Variants in RGS7BP observed in about 807,000 individuals in gnomAD.
RGS7BP encodes regulator of G protein signaling 7 binding protein.
In RGS7BP, 9 loss-of-function variants were observed where a neutral mutation model predicts 31.3. The observed-to-expected ratio is 0.29, with a 90% CI of 0.17 to 0.50. The LOEUF is 0.50. Ranked by LOEUF, RGS7BP falls within the 20% of genes least tolerant of loss-of-function variation. The probability of loss-of-function intolerance (pLI) is 0.98; values close to 1 mark genes in which losing one functional copy is unlikely to be tolerated. For synonymous variants in RGS7BP, 115 were observed against 120.1 expected, an observed-to-expected ratio of 0.96 and a Z score of 0.28; for missense variants, 274 against 322.0, an observed-to-expected ratio of 0.85 and a Z score of 1.14.
Position 64,610,284 on chromosome 5 carries a change from A to G in RGS7BP, c.*1032A>G, listed in dbSNP as rs1439025631. ...GTCTTATGCTTAGACTCTTGAAAGC[A>G]GGACACATTAAGCAATACTATATTT... On this transcript the variant is annotated 3_prime_UTR_variant, in exon 6 of 6. Coordinates refer to ENST00000334025, the MANE Select transcript of RGS7BP (RefSeq NM_001029875.3). 1 of 152,448 alleles carries G rather than the reference A, an allele frequency of 6.6e-6. No individual in the cohort carries two copies. The highest frequency in any genetic ancestry group is 6.6e-5 in the Admixed American group (1 of 15,228). 9.4% of individuals were successfully genotyped at this position (152,448 alleles called of 1,614,324 possible). A position where few individuals can be genotyped will look rare whatever the true frequency, so the allele number is the denominator to read the frequency against.
chr5:64,524,156 G>T (rs1749176380), intron 2 of RGS7BP, among the ~76,000 whole-genome samples: 1 of 152,218 alleles, frequency 6.6e-6, no homozygotes, highest in East Asian at 1.9e-4. Context: ...CTACACAAAA[G>T]AGTTATGGCC....
At chr5:64,603,710 A>C (rs372180293) in intron 5 of RGS7BP, among the ~76,000 whole-genome samples, 91 of 152,286 alleles carry the variant, frequency 6.0e-4, no homozygotes, top group African/African-American at 2.0e-3. Flanking sequence ...GCTTTCTTGG[A>C]ATTTTGGGCA....
At chr5:64,526,404 T>G (rs1749231992) in intron 2 of RGS7BP, among the ~76,000 whole-genome samples, 1 of 152,224 alleles carries the variant, frequency 6.6e-6, no homozygotes, top group African/African-American at 2.4e-5. Flanking sequence ...TGAATTGAAC[T>G]GCTGAATCAC....
chr5:64,534,261 G>T (rs1580405310), intron 2 of RGS7BP, among the ~76,000 whole-genome samples: 1 of 152,290 alleles, frequency 6.6e-6, no homozygotes, highest in South Asian at 2.1e-4. Flanking sequence ...CTGGAGTGTG[G>T]TGAGAGGCAG....
intron 2 of RGS7BP, among the ~76,000 whole-genome samples, chr5:64,550,503 T>C (rs1250783154): frequency 6.7e-6 from 1 of 150,188 alleles, no homozygotes; most frequent in East Asian, 1.9e-4. Context: ...AGTTACAGCT[T>C]TAACATATGA....
intron 2 of RGS7BP, among the ~76,000 whole-genome samples, chr5:64,515,824 AAAT>A (rs1013022678): frequency 6.0e-5 from 9 of 151,130 alleles, no homozygotes; most frequent in African/African-American, 2.2e-4. Context: ...CTGATTTAGC[AAAT>A]AATAATAATT....
intron 2 of RGS7BP, among the ~76,000 whole-genome samples, chr5:64,546,179 CAA>C (rs2111824028): frequency 6.6e-6 from 1 of 151,898 alleles, no homozygotes; most frequent in East Asian, 1.9e-4. Flanking sequence ...CAAAACAAAA[CAA>C]AAGTCTGACC....
At chr5:64,538,242 G>A (rs1277866545) in intron 2 of RGS7BP, among the ~76,000 whole-genome samples, 3 of 151,638 alleles carry the variant, frequency 2.0e-5, no homozygotes, top group Admixed American at 2.0e-4. Context: ...ATTTTTTGTT[G>A]TACATTTCTA....
At chr5:64,592,531 C>G (rs1299708900) in intron 3 of RGS7BP, among the ~76,000 whole-genome samples, 1 of 152,088 alleles carries the variant, frequency 6.6e-6, no homozygotes, top group Non-Finnish European at 1.5e-5. Context: ...CCATTTATGG[C>G]TTTGCATGTA....
chr5:64,534,958 G>A (rs1749467626), intron 2 of RGS7BP, among the ~76,000 whole-genome samples: 1 of 152,214 alleles, frequency 6.6e-6, no homozygotes, highest in Non-Finnish European at 1.5e-5. Context: ...CGACTGAGTA[G>A]GGGCCAGGGA....
intron 2 of RGS7BP, among the ~76,000 whole-genome samples, chr5:64,553,425 G>T (rs1741844274): frequency 1.3e-5 from 2 of 152,028 alleles, no homozygotes; most frequent in South Asian, 4.2e-4. Flanking sequence ...ACCTGCCTCG[G>T]TCTCCCAAAG....
At chr5:64,512,416 C>G (rs1352625043) in intron 2 of RGS7BP, among the ~76,000 whole-genome samples, 1 of 152,124 alleles carries the variant, frequency 6.6e-6, no homozygotes, top group Non-Finnish European at 1.5e-5. Context: ...AGTGCATAGA[C>G]TTTGGGACCA....
intron 4 of RGS7BP, among the ~76,000 whole-genome samples, chr5:64,595,545 A>T (rs947442547): frequency 6.6e-6 from 1 of 152,106 alleles, no homozygotes; most frequent in African/African-American, 2.4e-5. Flanking sequence ...TAATAATAAT[A>T]ATATTATAAT....
intron 3 of RGS7BP, among the ~76,000 whole-genome samples, chr5:64,589,818 T>C (rs1742859696): frequency 6.6e-6 from 1 of 151,610 alleles, no homozygotes; most frequent in Non-Finnish European, 1.5e-5. Flanking sequence ...GTCCCAGCTA[T>C]TGGGAGGCTA....
At chr5:64,594,658 C>T in intron 3 of RGS7BP, 52 bp from the exon 4 acceptor site, 1 of 1,589,596 alleles carries the variant, frequency 6.3e-7, no homozygotes, top group Non-Finnish European at 8.6e-7. Context: ...ATAGAACCTG[C>T]CTTTATGATT....
Position 64,506,647 on chromosome 5 carries a change from G to A in RGS7BP, c.23G>A (p.Arg8His), listed in dbSNP as rs770968906. The A allele has an allele frequency of 1.9e-5, 30 of 1,610,834 alleles. No homozygotes were observed. Among genetic ancestry groups the A allele is most frequent in the Non-Finnish European group, 2.5e-5 (30 of 1,178,126 alleles). MSSAPNG[R>H]KKRPSRSTRS... is the part of the protein sequence containing the mutation. ...TGCATGAGTTCTGCACCGAATGGGC[G>A]CAAAAAGCGCCCCAGCCGGTCCACC... Residue 8 changes from arginine to histidine, a missense_variant, in exon 1 of 6, where the codon CGC (arginine) becomes CAC (histidine). This residue lies in a region of RGS7BP where 149 missense variants were observed against 152.6 expected (regional missense o/e 0.98). Transcript: ENST00000334025. The surrounding 1 kb of genome is among the most constrained non-coding windows in gnomAD (Gnocchi z 4.6).
At position 64,514,222 on chromosome 5, in the gene RGS7BP, T is replaced by TATGAG. The variant is rs1353559644; in HGVS notation, c.332+6349_332+6350insGATGA. Among the ~76,000 whole-genome samples, 3 of 152,198 alleles carry TATGAG rather than the reference T, an allele frequency of 2.0e-5. No individual in the cohort carries two copies. The South Asian group carries it at 6.2e-4, about 32-fold the overall frequency. On this transcript the variant is annotated intron_variant, in intron 2 of 5. Transcript: ENST00000334025. ...GAATTAGGGGCCAATTCTACTCCAG[T>TATGAG]ATGAACTCATCCTAGCTTAATTATT... is the stretch of plus-strand genomic sequence containing the variant.
intron 3 of RGS7BP, among the ~76,000 whole-genome samples, chr5:64,578,416 T>C (rs1742493269): frequency 6.6e-6 from 1 of 152,206 alleles, no homozygotes; most frequent in Non-Finnish European, 1.5e-5. Context: ...GAAAACCTGC[T>C]TCACAATTAT....
chr5:64,529,594 G>C (rs533136185), intron 2 of RGS7BP, among the ~76,000 whole-genome samples: 1 of 152,338 alleles, frequency 6.6e-6, no homozygotes, highest in African/African-American at 2.4e-5. Context: ...CCTACCCTCA[G>C]AGATTCTGAT....
Sources: allele counts gnomAD v4.1 joint callset (sites outside exome capture counted in the v4.1 genomes callset), GRCh38; gene constraint gnomAD v4.1.1; regional missense constraint gnomAD v4.1.1; non-coding constraint Gnocchi (gnomAD v3.1); transcripts MANE v1.5; gene names NCBI Gene and HGNC (gene_info 2026-07-23, HGNC 2026-07-21).